The following IL1RAPL2 variants were observed in gnomAD, a reference collection of about 807,000 sequenced individuals.
IL1RAPL2 encodes the protein interleukin 1 receptor accessory protein like 2.
IL1RAPL2 carries 3 observed loss-of-function variants against 44.1 expected under a neutral mutation model. The ratio of observed to expected loss-of-function variants is 0.07; its 90% confidence interval spans 0.03 to 0.18. The LOEUF (loss-of-function observed/expected upper bound fraction) is 0.18. IL1RAPL2 is among the 10% of genes least tolerant of loss of function. The probability of loss-of-function intolerance (pLI) is 1.00; values close to 1 mark genes in which losing one functional copy is unlikely to be tolerated. For missense variants in IL1RAPL2, 391 were observed against 496.4 expected (o/e 0.79, Z 2.02); for synonymous variants, 181 against 178.8 (o/e 1.01, Z -0.10).
chrX:104,775,722 G>A (rs1018420356), intron 2 of IL1RAPL2, among the ~76,000 whole-genome samples: 2 of 111,672 alleles, frequency 1.8e-5, no homozygotes, highest in Non-Finnish European at 3.8e-5. Flanking sequence ...CACTGCATTC[G>A]AAGAAGCACT....
At chrX:104,665,323 G>A (rs1224540890) in intron 2 of IL1RAPL2, among the ~76,000 whole-genome samples, 2 of 110,002 alleles carry the variant, frequency 1.8e-5, no homozygotes, top group Non-Finnish European at 3.8e-5. Flanking sequence ...AAATCAATGT[G>A]TATATTTTTA....
intron 2 of IL1RAPL2, among the ~76,000 whole-genome samples, chrX:105,140,130 A>G (rs142193090): frequency 2.1e-4 from 24 of 112,639 alleles, no homozygotes; most frequent in Middle Eastern, 4.6e-3. Context: ...TACATTTAAC[A>G]TGAGTGAAAA....
intron 2 of IL1RAPL2, among the ~76,000 whole-genome samples, chrX:104,700,736 C>G (rs1307213483): frequency 9.0e-6 from 1 of 111,061 alleles, no homozygotes; most frequent in Non-Finnish European, 1.9e-5. Flanking sequence ...TAAAAGATGG[C>G]TTTCAAGGGC....
intron 2 of IL1RAPL2, among the ~76,000 whole-genome samples, chrX:105,178,348 C>T (rs908133200): frequency 1.9e-4 from 21 of 111,810 alleles, no homozygotes; most frequent in Admixed American, 9.5e-5. Context: ...TGTATAGATA[C>T]CAAATTTTCT....
At chrX:105,549,621 A>G (rs1427044943) in intron 6 of IL1RAPL2, among the ~76,000 whole-genome samples, 1 of 111,499 alleles carries the variant, frequency 9.0e-6, no homozygotes, top group Non-Finnish European at 1.9e-5. Context: ...AAATGTGCTG[A>G]TGAGCCATAT....
intron 1 of IL1RAPL2, among the ~76,000 whole-genome samples, chrX:104,637,425 C>T (rs1204763503): frequency 9.0e-6 from 1 of 111,226 alleles, no homozygotes; most frequent in Non-Finnish European, 1.9e-5. Context: ...AGTTTTTCCC[C>T]ATTCAATATA....
At chrX:105,026,690 G>A (rs1286852504) in intron 2 of IL1RAPL2, among the ~76,000 whole-genome samples, 1 of 109,793 alleles carries the variant, frequency 9.1e-6, no homozygotes, top group African/African-American at 3.3e-5. Flanking sequence ...AAATTGAAGA[G>A]GACACCAAAA....
intron 6 of IL1RAPL2, among the ~76,000 whole-genome samples, chrX:105,685,134 A>G (rs2037959424): frequency 8.9e-6 from 1 of 112,146 alleles, no homozygotes. Context: ...TCAAAAAATC[A>G]GAGCGCCTCT....
chrX:105,052,590 G>T (rs1017321210), intron 2 of IL1RAPL2, among the ~76,000 whole-genome samples: 3 of 110,994 alleles, frequency 2.7e-5, no homozygotes, highest in African/African-American at 9.8e-5. Flanking sequence ...TCCAAAAGAA[G>T]TACTTAAACT....
intron 5 of IL1RAPL2, among the ~76,000 whole-genome samples, chrX:105,387,203 T>G (rs1188138773): frequency 1.8e-5 from 2 of 109,378 alleles, no homozygotes; most frequent in Admixed American, 2.0e-4. Context: ...TTAACCTACA[T>G]GTACTTCATA....
chrX:105,092,089 T>A (rs1209553075), intron 2 of IL1RAPL2, among the ~76,000 whole-genome samples: 2 of 111,757 alleles, frequency 1.8e-5, no homozygotes, highest in Non-Finnish European at 3.8e-5. Context: ...ATGTTTTTTT[T>A]ATTTCATTGT....
intron 2 of IL1RAPL2, among the ~76,000 whole-genome samples, chrX:104,708,313 C>T (rs1452924555): frequency 9.0e-6 from 1 of 111,275 alleles, no homozygotes; most frequent in Non-Finnish European, 1.9e-5. Flanking sequence ...GTCTTGTAGT[C>T]CTTTTCACCT....
chrX:104,819,213 C>A (rs1177707803), intron 2 of IL1RAPL2, among the ~76,000 whole-genome samples: 1 of 111,986 alleles, frequency 8.9e-6, no homozygotes, highest in East Asian at 2.8e-4. Context: ...AATATAAAGT[C>A]AAAAATGTGT....
At chrX:105,022,612 T>G (rs1176076162) in intron 2 of IL1RAPL2, among the ~76,000 whole-genome samples, 1 of 111,135 alleles carries the variant, frequency 9.0e-6, no homozygotes, top group Admixed American at 9.6e-5. Flanking sequence ...ACCACACAGA[T>G]AGTTGGCATG....
At chrX:105,309,024 A>AAATT (rs755747538) in intron 5 of IL1RAPL2, among the ~76,000 whole-genome samples, 31 of 110,398 alleles carry the variant, frequency 2.8e-4, no homozygotes, top group Non-Finnish European at 4.3e-4. Context: ...TAATTTAATT[A>AAATT]AATTAATTAA....
intron 2 of IL1RAPL2, among the ~76,000 whole-genome samples, chrX:104,922,002 A>G (rs180919061): frequency 8.9e-6 from 1 of 111,926 alleles, no homozygotes; most frequent in African/African-American, 3.2e-5. Flanking sequence ...CCCCCACTGG[A>G]GGGTTGTCCC....
chrX:105,677,251 C>T (rs1053736518), intron 6 of IL1RAPL2, among the ~76,000 whole-genome samples: 1 of 111,929 alleles, frequency 8.9e-6, no homozygotes, highest in Non-Finnish European at 1.9e-5. Context: ...AAGAAAATGT[C>T]ACTAGTTCTA....
intron 4 of IL1RAPL2, among the ~76,000 whole-genome samples, chrX:105,237,772 TCTCCCATTCTGTA>T (rs2034134964): frequency 9.0e-6 from 1 of 111,605 alleles, no homozygotes; most frequent in South Asian, 3.7e-4. Flanking sequence ...GCAAAAATTT[TCTCCCATTCTGTA>T]GGTTGCCTGT....
intron 7 of IL1RAPL2, among the ~76,000 whole-genome samples, chrX:105,735,917 G>A: frequency 9.0e-6 from 1 of 111,380 alleles, no homozygotes; most frequent in African/African-American, 3.3e-5. Flanking sequence ...AAAAGAGCCC[G>A]AATAGCCAAG....
Sources: gnomAD v4.1 joint callset for allele counts (sites outside exome capture counted in the v4.1 genomes callset) on GRCh38, gnomAD v4.1.1 for gene constraint, MANE v1.5 for transcripts, NCBI Gene and HGNC (gene_info 2026-07-23, HGNC 2026-07-21) for gene names.